Variants in SERPINB12 observed in about 807,000 individuals in gnomAD.
SERPINB12 encodes serpin family B member 12, also known as serpin B12.
A neutral mutation model predicts 41.1 loss-of-function variants in SERPINB12; 57 were observed. The ratio of observed to expected loss-of-function variants is 1.39; its 90% CI spans 1.12 to 1.73. The LOEUF (loss-of-function observed/expected upper bound fraction) is 1.73, where lower values mean the gene tolerates loss of function less well. SERPINB12 is among the 40% of genes most tolerant of loss of function. SERPINB12 has a pLI of 0.00. For synonymous variants in SERPINB12, 180 were observed against 181.3 expected (o/e 0.99, Z 0.06); for missense variants, 536 against 501.9 (o/e 1.07, Z -0.65).
intron 1 of SERPINB12, among the ~76,000 whole-genome samples, chr18:63,551,365 G>T (rs1910525289): frequency 6.6e-6 from 1 of 151,794 alleles, no homozygotes; most frequent in South Asian, 2.1e-4. Context: ...CGCTCCTGTT[G>T]CCCAGGCTGG....
the SERPINB12 span, among the ~76,000 whole-genome samples, chr18:63,528,110 C>A: frequency 4.9e-3 from 743 of 152,124 alleles, 3 homozygotes; most frequent in South Asian, 0.015. Context: ...ACCTCTTTTT[C>A]TTTATAAATT....
intron 1 of SERPINB12, among the ~76,000 whole-genome samples, chr18:63,553,384 G>A (rs1356081422): frequency 6.6e-6 from 1 of 152,140 alleles, no homozygotes; most frequent in African/African-American, 2.4e-5. Flanking sequence ...TTTATCTTGA[G>A]AAGTAGGGAG....
chr18:63,550,584 A>C (rs556150215), intron 1 of SERPINB12, among the ~76,000 whole-genome samples: 11 of 152,314 alleles, frequency 7.2e-5, no homozygotes, highest in African/African-American at 2.6e-4. Context: ...TGTAAGCTTA[A>C]TGTGTAACCA....
chr18:63,531,073 A>T, the SERPINB12 span, among the ~76,000 whole-genome samples: 2 of 152,170 alleles, frequency 1.3e-5, no homozygotes, highest in African/African-American at 4.8e-5. Flanking sequence ...TCATTACAAC[A>T]TTGTAGCCTG....
At chr18:63,522,215 A>G in the SERPINB12 span, among the ~76,000 whole-genome samples, 1 of 152,242 alleles carries the variant, frequency 6.6e-6, no homozygotes, top group South Asian at 2.1e-4. Context: ...GAATCAAGGC[A>G]GACTTCAGAC....
intron 1 of SERPINB12, among the ~76,000 whole-genome samples, chr18:63,555,561 G>C (rs1468442743): frequency 6.6e-6 from 1 of 152,158 alleles, no homozygotes; most frequent in Non-Finnish European, 1.5e-5. Context: ...TTGGAAATAG[G>C]GTCTTTGCAG....
rs75253366 is a variant in SERPINB12 at position 63,544,333 on chromosome 18, A to G, written c.-19+1841A>G. Among the ~76,000 whole-genome samples the G allele has an allele frequency of 4.1e-3, 625 of 152,362 alleles. 7 individuals are homozygous for G. The highest frequency in any genetic ancestry group is 0.014 in the African/African-American group (602 of 41,592). On this transcript the variant is annotated intron_variant, in intron 1 of 7. Coordinates refer to ENST00000382768, the MANE Select transcript of SERPINB12 (RefSeq NM_001307928.2). ...TTTTGGAAGAAATAGATAATGTTAT[A>G]AAGATTTGGCTAAGAAAATAAAGCT... is the stretch of plus-strand genomic sequence containing the variant.
At chr18:63,522,817 G>A in the SERPINB12 span, among the ~76,000 whole-genome samples, 1 of 152,010 alleles carries the variant, frequency 6.6e-6, no homozygotes, top group East Asian at 1.9e-4. Flanking sequence ...TTAAAAATCT[G>A]GAAATTGATA....
intron 1 of SERPINB12, among the ~76,000 whole-genome samples, chr18:63,554,832 G>A (rs1262770066): frequency 1.3e-5 from 2 of 152,124 alleles, no homozygotes; most frequent in Admixed American, 6.5e-5. Flanking sequence ...TAATCTCCAC[G>A]TGTTGAGGGA....
At chr18:63,543,215 A>G (rs1417713187) in intron 1 of SERPINB12, among the ~76,000 whole-genome samples, 1 of 152,116 alleles carries the variant, frequency 6.6e-6, no homozygotes, top group African/African-American at 2.4e-5. Context: ...TGTTTATTGT[A>G]TCTAAATGCA....
chr18:63,536,097 A>T, the SERPINB12 span, among the ~76,000 whole-genome samples: 1 of 151,968 alleles, frequency 6.6e-6, no homozygotes, highest in Non-Finnish European at 1.5e-5. Context: ...AATCTGGATA[A>T]ATGGTATATA....
the SERPINB12 span, among the ~76,000 whole-genome samples, chr18:63,532,226 T>C: frequency 6.6e-6 from 1 of 152,198 alleles, no homozygotes; most frequent in Non-Finnish European, 1.5e-5. Context: ...ACTCAGGGGT[T>C]GCTTATCTCC....
At chr18:63,528,494 G>A in the SERPINB12 span, among the ~76,000 whole-genome samples, 1 of 152,084 alleles carries the variant, frequency 6.6e-6, no homozygotes, top group Non-Finnish European at 1.5e-5. Context: ...TACTGCCCTA[G>A]TGTCTTTTAA....
intron 6 of SERPINB12, 80 bp from the exon 7 acceptor site, chr18:63,565,365 T>C: frequency 7.5e-7 from 1 of 1,336,170 alleles, no homozygotes; most frequent in Non-Finnish European, 1.0e-6. Flanking sequence ...TAGGAACCCC[T>C]GTCCTCCGTG....
chr18:63,553,947 C>T (rs1450718307), intron 1 of SERPINB12, among the ~76,000 whole-genome samples: 2 of 152,058 alleles, frequency 1.3e-5, no homozygotes, highest in African/African-American at 4.8e-5. Context: ...ATCCATTACT[C>T]AAAAAACACC....
chr18:63,542,265 T>A (rs534964772), upstream of SERPINB12, among the ~76,000 whole-genome samples: 70 of 152,312 alleles, frequency 4.6e-4, 1 homozygote, highest in South Asian at 0.014. Flanking sequence ...AACTTAAAAT[T>A]CATTGAATTG....
chr18:63,546,795 T>C (rs1910397931), intron 1 of SERPINB12, among the ~76,000 whole-genome samples: 1 of 152,222 alleles, frequency 6.6e-6, no homozygotes, highest in Non-Finnish European at 1.5e-5. Flanking sequence ...TTCTTTTCCC[T>C]TTAATCTATC....
At chr18:63,532,595 C>G in the SERPINB12 span, among the ~76,000 whole-genome samples, 588 of 152,250 alleles carry the variant, frequency 3.9e-3, 4 homozygotes, top group African/African-American at 0.013. Context: ...CAGATTTTAC[C>G]TACTCTACGG....
At chr18:63,538,847 A>G (rs1191335883), upstream of SERPINB12, among the ~76,000 whole-genome samples, 1 of 152,164 alleles carries the variant, frequency 6.6e-6, no homozygotes, top group African/African-American at 2.4e-5. Context: ...CATCTTCACC[A>G]AGACTTGTTA....
Sources: gnomAD v4.1 joint callset for allele counts (sites outside exome capture counted in the v4.1 genomes callset) on GRCh38, gnomAD v4.1.1 for gene constraint, MANE v1.5 for transcripts, NCBI Gene and HGNC (gene_info 2026-07-23, HGNC 2026-07-21) for gene names.